Variants in ADAM2 observed in about 807,000 individuals in gnomAD.
The protein encoded by ADAM2 is ADAM metallopeptidase domain 2, also known as disintegrin and metalloproteinase domain-containing protein 2.
ADAM2 carries 101 observed loss-of-function variants against 99.3 expected under a neutral mutation model. The ratio of observed to expected loss-of-function variants is 1.02; its 90% CI spans 0.87 to 1.20. The LOEUF (loss-of-function observed/expected upper bound fraction) is 1.20. ADAM2 is among the 50% of genes most tolerant of loss of function. The pLI is 0.00. For missense variants in ADAM2, 948 were observed against 878.7 expected, an observed-to-expected ratio of 1.08 and a Z score of -1.00; for synonymous variants, 323 against 287.6, an observed-to-expected ratio of 1.12 and a Z score of -1.25.
chr8:39,744,759 A>G, intron 20 of ADAM2, 71 bp downstream of exon 20: 1 of 1,029,984 alleles, frequency 9.7e-7, no homozygotes, highest in Non-Finnish European at 1.4e-6. Flanking sequence ...TATGTAACAA[A>G]CCTGCACATT....
intron 3 of ADAM2, among the ~76,000 whole-genome samples, 154 bp downstream of exon 3, chr8:39,833,790 T>C (rs1805709597): frequency 6.6e-6 from 1 of 152,130 alleles, no homozygotes; most frequent in Non-Finnish European, 1.5e-5. Context: ...TCTAGGTATG[T>C]ATCATATATA....
intron 11 of ADAM2, among the ~76,000 whole-genome samples, chr8:39,771,965 ATATACCTAAT>A (rs1802799048): frequency 6.6e-6 from 1 of 152,050 alleles, no homozygotes; most frequent in Admixed American, 6.6e-5. Flanking sequence ...GCATTAGGAG[ATATACCTAAT>A]GTAAATGACC....
intron 16 of ADAM2, among the ~76,000 whole-genome samples, chr8:39,752,210 C>T (rs1334921953): frequency 6.6e-6 from 1 of 152,124 alleles, no homozygotes; most frequent in Non-Finnish European, 1.5e-5. Flanking sequence ...ATCATTTGCA[C>T]CCCCTACAAC....
Position 39,821,078 on chromosome 8 carries a change from T to G in ADAM2, c.437A>C (p.Lys146Thr). ...FEHVIYQVKH[K>T]KADVSLYNEK... ...ATTATATAAGGAAACATCTGCTTTC[T>G]TATGTTTTACTTGGTAAATTACATG... is the stretch of plus-strand genomic sequence containing the variant. The change falls in exon 6 of 21, where the codon AAG becomes ACG. Residue 146 changes from lysine (K) to threonine (T), a missense_variant. By Grantham distance (78) the Lys-to-Thr change is moderately conservative. Transcript: ENST00000265708. 6.2e-7 allele frequency: 1 copy of G among 1,606,926 alleles called. No homozygotes were observed. Among genetic ancestry groups the G allele is most frequent in the Non-Finnish European group, 8.5e-7 (1 of 1,173,842 alleles).
chr8:39,833,828 T>A, intron 3 of ADAM2, 116 bp downstream of exon 3: 1 of 690,422 alleles, frequency 1.4e-6, no homozygotes, highest in South Asian at 1.6e-5. Flanking sequence ...AAGGGATGAA[T>A]GAATGGCAAG....
chr8:39,763,457 C>T (rs10105703), intron 14 of ADAM2, among the ~76,000 whole-genome samples: 71,363 of 152,020 alleles, frequency 0.47, 17,091 homozygotes, highest in South Asian at 0.67. Flanking sequence ...CTTGGAGTGA[C>T]CTATGTTCAT....
At chr8:39,765,968 C>CT (rs1802551879) in intron 14 of ADAM2, among the ~76,000 whole-genome samples, 1 of 152,186 alleles carries the variant, frequency 6.6e-6, no homozygotes, top group African/African-American at 2.4e-5. Context: ...GGATGAAATA[C>CT]TGTTGGCATT....
chr8:39,779,546 T>A (rs1803136019), intron 10 of ADAM2, among the ~76,000 whole-genome samples: 2 of 152,182 alleles, frequency 1.3e-5, no homozygotes, highest in South Asian at 4.1e-4. Context: ...TACAGGTTCT[T>A]GTTATTATTA....
intron 6 of ADAM2, among the ~76,000 whole-genome samples, chr8:39,814,251 C>T (rs891470705): frequency 7.2e-5 from 11 of 151,848 alleles, no homozygotes; most frequent in Non-Finnish European, 1.6e-4. Context: ...CACAGCTAGT[C>T]AGGAGGCTGA....
intron 10 of ADAM2, among the ~76,000 whole-genome samples, chr8:39,786,409 ACACT>A (rs1019974199): frequency 2.6e-5 from 4 of 152,146 alleles, no homozygotes; most frequent in African/African-American, 4.8e-5. Context: ...TATTATACAA[ACACT>A]CACACAACAA....
At chr8:39,824,654 A>G (rs1805327745) in intron 4 of ADAM2, among the ~76,000 whole-genome samples, 165 bp downstream of exon 4, 1 of 152,208 alleles carries the variant, frequency 6.6e-6, no homozygotes. Context: ...CATCTGTTTA[A>G]TAGGGCTAAC....
intron 9 of ADAM2, among the ~76,000 whole-genome samples, chr8:39,787,754 C>G (rs1318498752): frequency 6.6e-6 from 1 of 151,440 alleles, no homozygotes; most frequent in African/African-American, 2.4e-5. Flanking sequence ...AACAAGAAGG[C>G]TGAATTACTA....
chr8:39,767,347 T>C, intron 12 of ADAM2, 96 bp from the exon 13 acceptor site: 3 of 1,041,544 alleles, frequency 2.9e-6, no homozygotes. Flanking sequence ...AACATACACA[T>C]AGGTGCTTAA....
intron 19 of ADAM2, among the ~76,000 whole-genome samples, chr8:39,745,713 A>G (rs1031937627): frequency 6.6e-6 from 1 of 152,084 alleles, no homozygotes; most frequent in African/African-American, 2.4e-5. Context: ...TACTACCAAA[A>G]AAAAGCTAAA....
intron 15 of ADAM2, among the ~76,000 whole-genome samples, chr8:39,758,174 T>A (rs565296686): frequency 1.6e-4 from 24 of 152,222 alleles, no homozygotes; most frequent in African/African-American, 5.8e-4. Flanking sequence ...TACATGTATG[T>A]GCATATATGA....
intron 12 of ADAM2, among the ~76,000 whole-genome samples, chr8:39,768,057 G>T (rs940699281): frequency 6.6e-6 from 1 of 152,064 alleles, no homozygotes; most frequent in African/African-American, 2.4e-5. Flanking sequence ...GAAGCACAGA[G>T]TTGTCAGTAT....
chr8:39,824,821 G>T lies in ADAM2; in HGVS notation c.265C>A (p.Gln89Lys). 6.5e-7 allele frequency: 1 copy of T among 1,533,648 alleles called. No homozygotes were observed. Among genetic ancestry groups the T allele is most frequent in the Non-Finnish European group, 9.0e-7 (1 of 1,113,936 alleles). ...AAAAGAGATCATAAAAAACATACCT[G>T]AAAATCTTGGTCAAGTGGTTTCATA... is the stretch of plus-strand genomic sequence containing the variant. The part of the protein sequence containing the change: ...GIMKPLDQDF[Q>K]NFCHYQGYIE... The change falls in exon 4 of 21, where the codon CAG becomes AAG. Residue 89 changes from glutamine to lysine, a missense_variant and splice_region_variant. Gln to Lys is a moderately conservative substitution (Grantham distance 53). Coordinates refer to ENST00000265708, the MANE Select transcript of ADAM2 (RefSeq NM_001464.5).
chr8:39,793,649 G>C (rs760698700), intron 7 of ADAM2, among the ~76,000 whole-genome samples: 1 of 152,106 alleles, frequency 6.6e-6, no homozygotes, highest in Non-Finnish European at 1.5e-5. Flanking sequence ...AAAATGATCA[G>C]GGCAAAAGAA....
intron 15 of ADAM2, among the ~76,000 whole-genome samples, chr8:39,759,855 T>C (rs1289589870): frequency 1.3e-5 from 2 of 152,154 alleles, no homozygotes; most frequent in East Asian, 3.9e-4. Flanking sequence ...AACATTCTAG[T>C]TCTAATTTAT....
Sources: allele counts gnomAD v4.1 joint callset (sites outside exome capture counted in the v4.1 genomes callset), GRCh38; gene constraint gnomAD v4.1.1; transcripts MANE v1.5; gene names NCBI Gene and HGNC (gene_info 2026-07-23, HGNC 2026-07-21).